SUGCT: variants seen among roughly 807,000 people sequenced by gnomAD.
SUGCT encodes succinyl-CoA:glutarate-CoA transferase, also known as succinyl-CoA:glutarate CoA-transferase.
SUGCT carries 41 observed loss-of-function variants against 55.0 expected under a neutral mutation model. The observed-to-expected ratio is 0.74, with a 90% confidence interval of 0.58 to 0.97. The LOEUF is 0.97. SUGCT is among the 50% of genes least tolerant of loss of function. The pLI is 0.00. For missense variants in SUGCT, 568 were observed against 547.8 expected, an observed-to-expected ratio of 1.04 and a Z score of -0.37; for synonymous variants, 187 against 200.4, an observed-to-expected ratio of 0.93 and a Z score of 0.56.
chr7:40,742,635 G>C (rs150165487), intron 12 of SUGCT, among the ~76,000 whole-genome samples: 1,609 of 152,264 alleles, frequency 0.011, 6 homozygotes, highest in Non-Finnish European at 0.017. Flanking sequence ...CCAAGGACCG[G>C]TACTGGTTTG....
intron 9 of SUGCT, among the ~76,000 whole-genome samples, chr7:40,445,327 T>A (rs1788761947): frequency 6.6e-6 from 1 of 151,970 alleles, no homozygotes; most frequent in South Asian, 2.1e-4. Flanking sequence ...TCACCACTGA[T>A]CCCACAGAAA....
At chr7:40,400,647 T>C (rs1038851288) in intron 9 of SUGCT, among the ~76,000 whole-genome samples, 4 of 152,212 alleles carry the variant, frequency 2.6e-5, no homozygotes, top group African/African-American at 9.6e-5. Flanking sequence ...GAGCAGTGCA[T>C]AAACTGCTCC....
downstream of SUGCT, among the ~76,000 whole-genome samples, chr7:40,863,549 G>A (rs1219875721): frequency 1.3e-5 from 2 of 152,200 alleles, no homozygotes; most frequent in African/African-American, 4.8e-5. Flanking sequence ...AGGCTAGACA[G>A]ACTATGCAGA....
chr7:40,880,614 C>A, the SUGCT span, among the ~76,000 whole-genome samples: 1 of 152,090 alleles, frequency 6.6e-6, no homozygotes, highest in Non-Finnish European at 1.5e-5. Flanking sequence ...ATCATAGCTA[C>A]TATATTTATT....
the SUGCT span, among the ~76,000 whole-genome samples, chr7:40,880,014 G>T: frequency 1.3e-5 from 2 of 152,248 alleles, no homozygotes; most frequent in South Asian, 4.1e-4. Context: ...AGAATGGCCA[G>T]CCAAGGAGCA....
chr7:40,184,289 A>T lies in SUGCT; in HGVS notation c.226+2261A>T, dbSNP rs573550599. Reference sequence around the variant, plus strand: ...TCATATAAACAGCTTGTTTTATTTTATTTTTTTTTGAGACAGGTCTCACTC... The same window carrying T: ...TCATATAAACAGCTTGTTTTATTTTTTTTTTTTTTGAGACAGGTCTCACTC... On this transcript the variant is annotated intron_variant, in intron 3 of 13. Coordinates refer to ENST00000335693, the MANE Select transcript of SUGCT (RefSeq NM_001193313.2). Among the ~76,000 whole-genome samples the T allele has an allele frequency of 3.0e-3, 454 of 150,564 alleles. 4 individuals are homozygous for T. The highest frequency in any genetic ancestry group is 0.01 in the Middle Eastern group (3 of 290).
chr7:40,552,900 G>A (rs1163031066), intron 12 of SUGCT, among the ~76,000 whole-genome samples: 2 of 152,008 alleles, frequency 1.3e-5, no homozygotes, highest in African/African-American at 4.8e-5. Context: ...AGCTGTGGCT[G>A]TGATTGCAGA....
rs188267591 is a variant in SUGCT at position 40,338,393 on chromosome 7, C to T, written c.816+21538C>T. Among the ~76,000 whole-genome samples the T allele has an allele frequency of 2.4e-3, 371 of 152,272 alleles. 5 individuals carry two copies. Among genetic ancestry groups the T allele is most frequent in the African/African-American group, 8.3e-3 (346 of 41,558 alleles). On this transcript the variant is annotated intron_variant, in intron 9 of 13. Transcript: ENST00000335693. ...GTCACTTTCAGGTACACCAATCAGACGTAGATTTGGTCTTTTCACATAGTC... is the reference window on the plus strand; with the variant it reads ...GTCACTTTCAGGTACACCAATCAGATGTAGATTTGGTCTTTTCACATAGTC...
At chr7:40,721,996 T>C (rs1048147044) in intron 12 of SUGCT, among the ~76,000 whole-genome samples, 16 of 152,164 alleles carry the variant, frequency 1.1e-4, no homozygotes, top group African/African-American at 3.6e-4. Flanking sequence ...TATAGAAACC[T>C]TCAACCAAAG....
chr7:40,923,820 G>A, the SUGCT span, among the ~76,000 whole-genome samples: 3 of 152,260 alleles, frequency 2.0e-5, no homozygotes, highest in South Asian at 6.2e-4. Flanking sequence ...GAGTCATCCT[G>A]GAGGCCGTGG....
At chr7:40,744,651 A>G (rs1312362144) in intron 12 of SUGCT, among the ~76,000 whole-genome samples, 2 of 152,206 alleles carry the variant, frequency 1.3e-5, no homozygotes, top group Non-Finnish European at 2.9e-5. Context: ...TTATCAGTAG[A>G]GGTGAAGATA....
chr7:40,442,659 G>A (rs1483000268), intron 9 of SUGCT, among the ~76,000 whole-genome samples: 1 of 152,046 alleles, frequency 6.6e-6, no homozygotes, highest in East Asian at 1.9e-4. Flanking sequence ...TTGCAAAATG[G>A]CTTAATTTGG....
chr7:40,519,304 A>C (rs1793406505), intron 12 of SUGCT, among the ~76,000 whole-genome samples: 1 of 152,216 alleles, frequency 6.6e-6, no homozygotes, highest in East Asian at 1.9e-4. Flanking sequence ...AACAGGGTGG[A>C]ATCTGAATAA....
chr7:40,279,730 T>G (rs1213967758), intron 8 of SUGCT, among the ~76,000 whole-genome samples: 2 of 152,152 alleles, frequency 1.3e-5, no homozygotes, highest in Admixed American at 1.3e-4. Context: ...AAGATAACAC[T>G]TATAAATTCT....
chr7:40,836,999 G>T (rs1226561660), intron 13 of SUGCT, among the ~76,000 whole-genome samples: 1 of 151,986 alleles, frequency 6.6e-6, no homozygotes, highest in Non-Finnish European at 1.5e-5. Context: ...GTATATTTTT[G>T]AAAGGAATTG....
intron 6 of SUGCT, among the ~76,000 whole-genome samples, chr7:40,210,427 T>C (rs1482544008): frequency 6.6e-6 from 1 of 152,102 alleles, no homozygotes; most frequent in African/African-American, 2.4e-5. Flanking sequence ...ATTGATACAA[T>C]GATTCCATTA....
At chr7:40,184,903 A>G (rs1409836692) in intron 3 of SUGCT, among the ~76,000 whole-genome samples, 1 of 152,192 alleles carries the variant, frequency 6.6e-6, no homozygotes, top group Non-Finnish European at 1.5e-5. Flanking sequence ...TTGTCTTTAC[A>G]GAAAGTAGAA....
the SUGCT span, among the ~76,000 whole-genome samples, chr7:41,013,784 G>T: frequency 1.3e-5 from 2 of 149,950 alleles, no homozygotes; most frequent in African/African-American, 4.9e-5. Flanking sequence ...AAGAAACATT[G>T]ACTTTTGATT....
intron 6 of SUGCT, among the ~76,000 whole-genome samples, chr7:40,211,152 T>G (rs1312976134): frequency 6.6e-6 from 1 of 152,026 alleles, no homozygotes; most frequent in Non-Finnish European, 1.5e-5. Flanking sequence ...TTTTGTATTT[T>G]TAGTAGAGAT....
Sources: allele counts gnomAD v4.1 joint callset (sites outside exome capture counted in the v4.1 genomes callset), GRCh38; gene constraint gnomAD v4.1.1; transcripts MANE v1.5; gene names NCBI Gene and HGNC (gene_info 2026-07-23, HGNC 2026-07-21).